NDFIP2: variants seen among roughly 807,000 people sequenced by gnomAD.
NDFIP2 encodes the protein NEDD4 family-interacting protein 2.
NDFIP2 carries 19 observed loss-of-function variants against 36.0 expected under a neutral mutation model. The ratio of observed to expected loss-of-function variants is 0.53; its 90% CI spans 0.37 to 0.77. NDFIP2 has a LOEUF of 0.77. NDFIP2 is among the 30% of genes least tolerant of loss of function. NDFIP2 has a pLI of 0.00. For missense variants in NDFIP2, 446 were observed against 435.8 expected (o/e 1.02, Z -0.21); for synonymous variants, 181 against 167.7 (o/e 1.08, Z -0.61).
chr13:79,533,142 T>C (rs1439847276), intron 2 of NDFIP2, among the ~76,000 whole-genome samples, 181 bp from the exon 3 acceptor site: 1 of 152,190 alleles, frequency 6.6e-6, no homozygotes, highest in Non-Finnish European at 1.5e-5. Context: ...TTATAATAAA[T>C]TTGGACTAAA....
intron 1 of NDFIP2, among the ~76,000 whole-genome samples, chr13:79,507,288 T>A (rs1202673780): frequency 2.3e-4 from 4 of 17,410 alleles, no homozygotes; most frequent in East Asian, 2.0e-3. Context: ...TTTTTTTTTT[T>A]TTTGAGACGG....
intron 1 of NDFIP2, among the ~76,000 whole-genome samples, chr13:79,498,972 A>G (rs1873553078): frequency 2.0e-5 from 3 of 152,134 alleles, no homozygotes; most frequent in Middle Eastern, 3.4e-3. Flanking sequence ...CTACAGACCA[A>G]TAGTTCTTAT....
At chr13:79,540,604 G>A (rs961181658) in intron 4 of NDFIP2, among the ~76,000 whole-genome samples, 2 of 152,236 alleles carry the variant, frequency 1.3e-5, no homozygotes, top group East Asian at 1.9e-4. Flanking sequence ...GCTTTATTAT[G>A]ATCATAAAAC....
At chr13:79,523,240 G>C (rs1256304354) in intron 2 of NDFIP2, among the ~76,000 whole-genome samples, 2 of 152,046 alleles carry the variant, frequency 1.3e-5, no homozygotes, top group Non-Finnish European at 2.9e-5. Flanking sequence ...GTTTTTTTAA[G>C]ATGGAGTTTC....
intron 5 of NDFIP2, among the ~76,000 whole-genome samples, chr13:79,545,045 GCACAGTC>G (rs1324426006): frequency 6.6e-6 from 1 of 151,928 alleles, no homozygotes; most frequent in Non-Finnish European, 1.5e-5. Flanking sequence ...AAAGATAAAG[GCACAGTC>G]CCTTCCCTTA....
chr13:79,495,731 T>C (rs895660750), intron 1 of NDFIP2, among the ~76,000 whole-genome samples: 1 of 151,870 alleles, frequency 6.6e-6, no homozygotes, highest in Non-Finnish European at 1.5e-5. Flanking sequence ...TCTACTGTTA[T>C]ATTGTTTTTT....
chr13:79,553,763 A>C lies in NDFIP2; in HGVS notation c.*1250A>C, dbSNP rs895459318. 3 of 152,012 alleles carry C rather than the reference A, an allele frequency of 2.0e-5. No homozygotes were observed. The highest frequency in any genetic ancestry group is 4.4e-5 in the Non-Finnish European group (3 of 67,574). The allele number at this position is 152,012 out of a possible 1,614,324, so 9.4% of individuals were successfully genotyped here. A position where few individuals can be genotyped will look rare whatever the true frequency, so the allele number is the denominator to read the frequency against. ...CTATTATAACTGGAATTTAATTTAC[A>C]TTCATAAACTACTATATTTCCCATC... On this transcript the variant is annotated 3_prime_UTR_variant, in exon 8 of 8. Coordinates refer to ENST00000218652, the MANE Select transcript of NDFIP2 (RefSeq NM_019080.3).
intron 1 of NDFIP2, among the ~76,000 whole-genome samples, chr13:79,494,956 C>A (rs1177422006): frequency 3.3e-5 from 5 of 151,634 alleles, no homozygotes; most frequent in African/African-American, 1.2e-4. Flanking sequence ...CATCTTTTGG[C>A]TTTGTTAAAT....
intron 1 of NDFIP2, among the ~76,000 whole-genome samples, chr13:79,495,284 T>C (rs1246220470): frequency 6.6e-6 from 1 of 151,904 alleles, no homozygotes; most frequent in Non-Finnish European, 1.5e-5. Context: ...ATTTTGTTTT[T>C]GTGTTCTACT....
chr13:79,550,463 T>G (rs1292224206), intron 6 of NDFIP2, among the ~76,000 whole-genome samples: 1 of 151,630 alleles, frequency 6.6e-6, no homozygotes, highest in African/African-American at 2.4e-5. Context: ...TACTTCAAAA[T>G]AAGAACTCAT....
intron 1 of NDFIP2, among the ~76,000 whole-genome samples, chr13:79,507,779 C>T (rs948062345): frequency 1.3e-5 from 2 of 151,350 alleles, no homozygotes; most frequent in Admixed American, 1.3e-4. Context: ...CTATATCCAC[C>T]GTGGACATAA....
intron 1 of NDFIP2, among the ~76,000 whole-genome samples, chr13:79,506,508 C>T (rs1873873693): frequency 6.6e-6 from 1 of 152,080 alleles, no homozygotes; most frequent in Admixed American, 6.5e-5. Flanking sequence ...ATTGTAACAT[C>T]ATGATGAACA....
At chr13:79,517,670 G>A (rs1272390464) in intron 1 of NDFIP2, among the ~76,000 whole-genome samples, 1 of 152,196 alleles carries the variant, frequency 6.6e-6, no homozygotes, top group Admixed American at 6.5e-5. Flanking sequence ...AAAACCGTAG[G>A]TGTTAGCTAG....
At chr13:79,525,096 C>CTTT (rs1874739407) in intron 2 of NDFIP2, among the ~76,000 whole-genome samples, 1 of 152,180 alleles carries the variant, frequency 6.6e-6, no homozygotes, top group Non-Finnish European at 1.5e-5. Flanking sequence ...TAGTCCAAAC[C>CTTT]TAATCCTCAA....
At chr13:79,549,235 T>G (rs1016169761) in intron 6 of NDFIP2, among the ~76,000 whole-genome samples, 7 of 151,960 alleles carry the variant, frequency 4.6e-5, no homozygotes, top group Non-Finnish European at 1.0e-4. Flanking sequence ...ATAGCTATAT[T>G]GAAATTATTT....
At chr13:79,535,005 G>A (rs1875176478) in intron 3 of NDFIP2, among the ~76,000 whole-genome samples, 2 of 152,148 alleles carry the variant, frequency 1.3e-5, no homozygotes, top group Admixed American at 1.3e-4. Flanking sequence ...CACAGAGGAG[G>A]AAAGTAAGTC....
At position 79,481,244 on chromosome 13, in the gene NDFIP2, C is replaced by T. The variant is rs1476001271; in HGVS notation, c.41C>T (p.Pro14Leu). The T allele has an allele frequency of 3.9e-6, 6 of 1,533,962 alleles. No homozygotes were observed. The highest frequency in any genetic ancestry group is 5.2e-6 in the Non-Finnish European group (6 of 1,145,484). Residue 14 changes from proline (P) to leucine (L), a missense_variant, in exon 1 of 8, where the codon CCG (proline) becomes CTG (leucine). Pro to Leu is a moderately conservative substitution (Grantham distance 98, BLOSUM62 -3). This residue lies in a region of NDFIP2 where 369 missense variants were observed against 304.8 expected (regional missense o/e 1.21). Transcript: ENST00000218652. ...AGCCAGCGAGTCTGCGCGAGCGGTC[C>T]GAGCATGCTCAATAGCGCGCGCGGC... The part of the protein sequence containing the change: ...RRSQRVCASG[P>L]SMLNSARGAP...
At chr13:79,515,036 A>C (rs1395713446) in intron 1 of NDFIP2, among the ~76,000 whole-genome samples, 1 of 152,160 alleles carries the variant, frequency 6.6e-6, no homozygotes, top group African/African-American at 2.4e-5. Context: ...CATTGGGTGA[A>C]CATCGTAGAC....
intron 1 of NDFIP2, among the ~76,000 whole-genome samples, chr13:79,508,467 T>C (rs1366952067): frequency 6.6e-6 from 1 of 152,210 alleles, no homozygotes; most frequent in East Asian, 1.9e-4. Flanking sequence ...TGTTATTTCT[T>C]GATTATATGC....
Sources: allele counts gnomAD v4.1 joint callset (sites outside exome capture counted in the v4.1 genomes callset), GRCh38; gene constraint gnomAD v4.1.1; regional missense constraint gnomAD v4.1.1; transcripts MANE v1.5; gene names NCBI Gene and HGNC (gene_info 2026-07-23, HGNC 2026-07-21).